The following TFAP2E variants were observed in gnomAD, a reference collection of about 807,000 sequenced individuals.
The protein encoded by TFAP2E is transcription factor AP-2 epsilon.
A neutral mutation model predicts 37.9 loss-of-function variants in TFAP2E; 30 were observed. The observed-to-expected ratio is 0.79, with a 90% CI of 0.59 to 1.07. The LOEUF is 1.07. TFAP2E is among the 50% of genes least tolerant of loss of function. TFAP2E has a pLI of 0.00. For synonymous variants in TFAP2E, 318 were observed against 295.8 expected (o/e 1.08, Z -0.77); for missense variants, 567 against 637.9 (o/e 0.89, Z 1.20).
At chr1:35,574,521 C>T in intron 2 of TFAP2E, 112 bp downstream of exon 2, 1 of 1,335,098 alleles carries the variant, frequency 7.5e-7, no homozygotes, top group South Asian at 1.9e-5. Context: ...CAGCTCGCCA[C>T]ATCTCACTGG....
At chr1:35,582,201 C>G (rs935458851) in intron 3 of TFAP2E, among the ~76,000 whole-genome samples, 2 of 152,052 alleles carry the variant, frequency 1.3e-5, no homozygotes, top group African/African-American at 4.8e-5. Flanking sequence ...TTATAACCAT[C>G]AAGTGGTATC....
intron 3 of TFAP2E, among the ~76,000 whole-genome samples, chr1:35,587,636 CAAAAAA>C (rs553131997): frequency 1.9e-5 from 1 of 51,360 alleles, no homozygotes; most frequent in Non-Finnish European, 4.3e-5. Context: ...GACTCCATCT[CAAAAAA>C]AAAAAAAAAA....
Position 35,577,534 on chromosome 1 carries a change from G to A in TFAP2E, c.562+2534G>A, listed in dbSNP as rs1649215841. 1 of 449,624 alleles carries A rather than the reference G, an allele frequency of 2.2e-6. No homozygotes were observed. Among genetic ancestry groups the A allele is most frequent in the African/African-American group, 2.0e-5 (1 of 49,914 alleles). The allele number at this position is 449,624 out of a possible 1,614,324, so 27.9% of individuals were successfully genotyped here. ...TCGCTCTTTGGCCACCTGAAGCGTC[G>A]GATCCCTACAGTGCCTCCCAGCCTG... On this transcript the variant is annotated intron_variant, in intron 3 of 6. Coordinates refer to ENST00000373235, the MANE Select transcript of TFAP2E (RefSeq NM_178548.4). This position sits in a 1 kb window ranked among gnomAD's most constrained non-coding sequence, Gnocchi z 6.3.
chr1:35,573,944 G>T lies in TFAP2E; in HGVS notation c.45G>T (p.Leu15=). The stretch of plus-strand genomic sequence containing the variant: ...TTCCCCAGGAGCGCCCCGACGGGCT[G>T]GGAGCAGCTGCCGGCGGGGCCCGCC... The part of the protein sequence containing the change: ...TYSAMERPDG[L]GAAAGGARLS... The change falls in exon 2 of 7, where the codon CTG becomes CTT. Residue 15 remains leucine (L), a synonymous_variant. Coordinates refer to ENST00000373235, the MANE Select transcript of TFAP2E (RefSeq NM_178548.4). The surrounding 1 kb of genome is among the most constrained non-coding windows in gnomAD (Gnocchi z 5.9). 1 of 1,455,236 alleles carries T rather than the reference G, an allele frequency of 6.9e-7. No homozygotes were observed. The highest frequency in any genetic ancestry group is 2.8e-5 in the East Asian group (1 of 35,928). 90.1% of individuals were successfully genotyped at this position (1,455,236 alleles called of 1,614,324 possible).
chr1:35,588,604 A>G lies in TFAP2E; in HGVS notation c.785+52A>G. ...GCCTGATTGGATCCCTGGCCTCTTC[A>G]GGCCTTCTCAAGGCATCAGAGAGGA... On this transcript the variant is annotated intron_variant, in intron 4 of 6. Coordinates refer to ENST00000373235, the MANE Select transcript of TFAP2E (RefSeq NM_178548.4). This position sits in a 1 kb window ranked among gnomAD's most constrained non-coding sequence, Gnocchi z 5.1. 1 of 1,505,680 alleles carries G rather than the reference A, an allele frequency of 6.6e-7. No homozygotes were observed. The highest frequency in any genetic ancestry group is 8.9e-7 in the Non-Finnish European group (1 of 1,122,746). The allele number at this position is 1,505,680 out of a possible 1,614,324, so 93.3% of individuals were successfully genotyped here. A position where few individuals can be genotyped will look rare whatever the true frequency, so the allele number is the denominator to read the frequency against.
chr1:35,589,080 G>A (rs1172539924), intron 4 of TFAP2E, among the ~76,000 whole-genome samples: 2 of 152,088 alleles, frequency 1.3e-5, no homozygotes, highest in African/African-American at 4.8e-5. Flanking sequence ...ACATGTGTGT[G>A]CGTGTGCATG....
At position 35,574,957 on chromosome 1, in the gene TFAP2E, C is replaced by T. The variant is rs199958001; in HGVS notation, c.519C>T (p.Asp173=). The T allele has an allele frequency of 1.5e-4, 238 of 1,613,762 alleles. 2 individuals are homozygous for T. Among genetic ancestry groups the T allele is most frequent in the Middle Eastern group, 1.6e-4 (1 of 6,082 alleles). Residue 173 remains aspartate, a synonymous_variant, in exon 3 of 7, where the codon GAC becomes GAT. Transcript: ENST00000373235. ...CCCTCTGCTATTTGCAGGCAATGGA[C>T]GAGCCGGGAATGAGCCTCCTAGACC... is the stretch of plus-strand genomic sequence containing the variant. ...APGLEDLQAM[D]EPGMSLLDQS...
In TFAP2E at chr1:35,579,310, C is replaced by T. The variant is rs1040369006; in HGVS notation, c.562+4310C>T. 2.0e-5 allele frequency among the ~76,000 whole-genome samples: 3 copies of T among 151,484 alleles called. No individual in the cohort carries two copies. In the South Asian group the frequency reaches 6.3e-4, roughly 32 times the overall value. ...ACTCCGGAGGCTGAGGCAGGAGAAT[C>T]CCTTGAACCTGCGGGGCGGAGGTTG... On this transcript the variant is annotated intron_variant, in intron 3 of 6. Coordinates refer to ENST00000373235, the MANE Select transcript of TFAP2E (RefSeq NM_178548.4).
At chr1:35,586,265 T>C (rs1360658797) in intron 3 of TFAP2E, among the ~76,000 whole-genome samples, 1 of 152,170 alleles carries the variant, frequency 6.6e-6, no homozygotes. Flanking sequence ...TGAAGGTTCA[T>C]TTCTGCCCCT....
rs1302123353 is a variant in TFAP2E at position 35,590,725 on chromosome 1, C to T, written c.996C>T (p.His332=). 7.1e-6 allele frequency: 11 copies of T among 1,546,978 alleles called. No individual in the cohort carries two copies. Among genetic ancestry groups the T allele is most frequent in the East Asian group, 4.7e-5 (2 of 42,820 alleles). ...CTGCCGAGTACCTGTGCCGACAGCA[C>T]GCTGACCCGGGGGAGCTGCACAGCC... is the stretch of plus-strand genomic sequence containing the variant. ...KAAAEYLCRQ[H]ADPGELHSRK... is the part of the protein sequence containing the mutation. The change falls in exon 6 of 7, where the codon CAC becomes CAT. Residue 332 remains histidine (H), a synonymous_variant. Coordinates refer to ENST00000373235, the MANE Select transcript of TFAP2E (RefSeq NM_178548.4). This position sits in a 1 kb window ranked among gnomAD's most constrained non-coding sequence, Gnocchi z 6.2.
chr1:35,590,039 C>T lies in TFAP2E; in HGVS notation c.895C>T (p.Leu299=). 4 of 1,613,906 alleles carry T rather than the reference C, an allele frequency of 2.5e-6. No individual in the cohort carries two copies. The South Asian group carries it at 4.4e-5, about 18-fold the overall frequency. Reference sequence around the variant, plus strand: ...CGCCAATGTGACGCTGCTGACTTCGCTAGTGGAAGGTGAGTGAGGCCTGAA... The same window carrying T: ...CGCCAATGTGACGCTGCTGACTTCGTTAGTGGAAGGTGAGTGAGGCCTGAA... ...KAANVTLLTS[L]VEGEAVHLAR... The change falls in exon 5 of 7, where the codon CTA becomes TTA. Residue 299 remains leucine (L), a synonymous_variant. Transcript: ENST00000373235. The surrounding 1 kb of genome is among the most constrained non-coding windows in gnomAD (Gnocchi z 6.2).
At chr1:35,586,322 C>T (rs942623576) in intron 3 of TFAP2E, among the ~76,000 whole-genome samples, 3 of 152,186 alleles carry the variant, frequency 2.0e-5, no homozygotes, top group Non-Finnish European at 4.4e-5. Flanking sequence ...GCACCTGGCA[C>T]TCATTGACAG....
chr1:35,573,926 G>T lies in TFAP2E; in HGVS notation c.28-1G>T, dbSNP rs762702120. 1.2e-5 allele frequency: 17 copies of T among 1,454,708 alleles called. No individual in the cohort carries two copies. Among genetic ancestry groups the T allele is most frequent in the Non-Finnish European group, 1.2e-5 (13 of 1,119,930 alleles). 90.1% of individuals were successfully genotyped at this position (1,454,708 alleles called of 1,614,324 possible). ...CCTAAGGCACCCCTCTCCTTCCCCA[G>T]GAGCGCCCCGACGGGCTGGGAGCAG... is the stretch of plus-strand genomic sequence containing the variant. On this transcript the variant is annotated splice_acceptor_variant, in intron 1 of 6. Transcript: ENST00000373235. LOFTEE classifies it high-confidence loss of function. The surrounding 1 kb of genome is among the most constrained non-coding windows in gnomAD (Gnocchi z 5.9).
intron 3 of TFAP2E, among the ~76,000 whole-genome samples, chr1:35,587,525 C>A (rs770877059): frequency 3.9e-4 from 59 of 150,774 alleles, no homozygotes; most frequent in Admixed American, 8.0e-4. Flanking sequence ...GTAGTCCCAG[C>A]TACTCAGGAG....
At chr1:35,593,952 G>C (rs1397667383) in intron 6 of TFAP2E, among the ~76,000 whole-genome samples, 1 of 152,182 alleles carries the variant, frequency 6.6e-6, no homozygotes, top group African/African-American at 2.4e-5. Context: ...AGTGTGGTTG[G>C]CACAGCATCC....
At chr1:35,582,991 C>T (rs1420458274) in intron 3 of TFAP2E, among the ~76,000 whole-genome samples, 1 of 152,044 alleles carries the variant, frequency 6.6e-6, no homozygotes, top group African/African-American at 2.4e-5. Context: ...CAACTTCCGC[C>T]TCCCGGGTTC....
intron 6 of TFAP2E, 88 bp from the exon 7 acceptor site, chr1:35,594,306 A>T: frequency 6.7e-7 from 1 of 1,502,406 alleles, no homozygotes; most frequent in African/African-American, 1.4e-5. Context: ...TTGTGTAGCT[A>T]ATGTCTGTAA....
Position 35,573,405 on chromosome 1 carries a change from G to A in TFAP2E, c.-173G>A. 2.4e-6 allele frequency: 2 copies of A among 828,386 alleles called. No homozygotes were observed. The highest frequency in any genetic ancestry group is 3.4e-6 in the Non-Finnish European group (2 of 587,446). 51.3% of individuals were successfully genotyped at this position (828,386 alleles called of 1,614,324 possible). A position where few individuals can be genotyped will look rare whatever the true frequency, so the allele number is the denominator to read the frequency against. Reference sequence around the variant, plus strand: ...GTCCTGCCTCCATGGACCCGCCCGGGAACGGCCACCGCTGAGGACCCCACG... The same window carrying A: ...GTCCTGCCTCCATGGACCCGCCCGGAAACGGCCACCGCTGAGGACCCCACG... On this transcript the variant is annotated 5_prime_UTR_variant, in exon 1 of 7. Coordinates refer to ENST00000373235, the MANE Select transcript of TFAP2E (RefSeq NM_178548.4). The surrounding 1 kb of genome is among the most constrained non-coding windows in gnomAD (Gnocchi z 5.9).
chr1:35,590,758 C>T lies in TFAP2E; in HGVS notation c.1029C>T (p.Ser343=). 1.4e-6 allele frequency: 2 copies of T among 1,470,682 alleles called. No individual in the cohort carries two copies. Among genetic ancestry groups the T allele is most frequent in the Non-Finnish European group, 1.8e-6 (2 of 1,096,918 alleles). 91.1% of individuals were successfully genotyped at this position (1,470,682 alleles called of 1,614,324 possible). The change falls in exon 6 of 7, where the codon AGC becomes AGT. Residue 343 remains serine, a synonymous_variant. Coordinates refer to ENST00000373235, the MANE Select transcript of TFAP2E (RefSeq NM_178548.4). This position sits in a 1 kb window ranked among gnomAD's most constrained non-coding sequence, Gnocchi z 6.2. ...ADPGELHSRK[S]MLLAAKQICK... ...CGGGGGAGCTGCACAGCCGCAAGAG[C>T]ATGCTGCTGGCTGCCAAGTGAGTGA... is the stretch of plus-strand genomic sequence containing the variant.
Sources: allele counts gnomAD v4.1 joint callset (sites outside exome capture counted in the v4.1 genomes callset), GRCh38; gene constraint gnomAD v4.1.1; non-coding constraint Gnocchi (gnomAD v3.1); transcripts MANE v1.5; gene names NCBI Gene and HGNC (gene_info 2026-07-23, HGNC 2026-07-21).